DPYD: variants seen among roughly 807,000 people sequenced by gnomAD.
The protein encoded by DPYD is dihydropyrimidine dehydrogenase [NADP(+)].
A neutral mutation model predicts 116.2 loss-of-function variants in DPYD; 109 were observed. That is an observed-to-expected ratio of 0.94 (90% CI 0.80 to 1.10). DPYD has a LOEUF of 1.10. Ranked by LOEUF, DPYD falls within the 50% of genes least tolerant of loss-of-function variation. DPYD has a pLI of 0.00. For synonymous variants in DPYD, 440 were observed against 432.0 expected, an observed-to-expected ratio of 1.02 and a Z score of -0.23; for missense variants, 1,302 against 1,254.5, an observed-to-expected ratio of 1.04 and a Z score of -0.57.
intron 18 of DPYD, among the ~76,000 whole-genome samples, chr1:97,298,663 T>C (rs1666682382): frequency 6.6e-6 from 1 of 152,174 alleles, no homozygotes; most frequent in Admixed American, 6.6e-5. Context: ...ATGCTGGCTG[T>C]ATAGTCAGAG....
chr1:97,907,180 T>C (rs1673676206), intron 1 of DPYD, among the ~76,000 whole-genome samples: 1 of 152,128 alleles, frequency 6.6e-6, no homozygotes, highest in African/African-American at 2.4e-5. Flanking sequence ...GAATTATTTA[T>C]TTCTGGAATT....
At chr1:97,367,987 T>C (rs1227066987) in intron 16 of DPYD, among the ~76,000 whole-genome samples, 2 of 152,174 alleles carry the variant, frequency 1.3e-5, no homozygotes, top group East Asian at 3.8e-4. Context: ...TTTGATTGAC[T>C]GATAATATAC....
chr1:97,585,567 T>C (rs1028837888), intron 10 of DPYD, among the ~76,000 whole-genome samples: 3 of 152,134 alleles, frequency 2.0e-5, no homozygotes, highest in Non-Finnish European at 4.4e-5. Flanking sequence ...TAGAAAAAAA[T>C]TTTAAAATTT....
intron 18 of DPYD, among the ~76,000 whole-genome samples, chr1:97,277,829 C>G (rs937144664): frequency 2.6e-5 from 4 of 152,202 alleles, no homozygotes; most frequent in Non-Finnish European, 5.9e-5. Context: ...GATCATATAA[C>G]TACCTTAACA....
chr1:97,706,478 A>G (rs995382851), intron 5 of DPYD, among the ~76,000 whole-genome samples: 1 of 152,144 alleles, frequency 6.6e-6, no homozygotes, highest in South Asian at 2.1e-4. Flanking sequence ...CATACACAAT[A>G]GTTTCTTTCA....
intron 3 of DPYD, among the ~76,000 whole-genome samples, chr1:97,748,682 A>G (rs1206060425): frequency 1.3e-5 from 2 of 152,190 alleles, no homozygotes; most frequent in African/African-American, 4.8e-5. Flanking sequence ...GGGCACATAT[A>G]TAAGTGCTCA....
At chr1:97,389,309 TGAAA>T (rs1672538583) in intron 14 of DPYD, among the ~76,000 whole-genome samples, 1 of 58,912 alleles carries the variant, frequency 1.7e-5, no homozygotes, top group Non-Finnish European at 3.5e-5. Context: ...ATTTTGTCTT[TGAAA>T]AAAAAAAAAA....
chr1:97,088,035 T>C (rs1419755525), intron 21 of DPYD, among the ~76,000 whole-genome samples: 2 of 152,230 alleles, frequency 1.3e-5, no homozygotes, highest in Admixed American at 1.3e-4. Flanking sequence ...GGTAATGTGA[T>C]CTGTCTTTTC....
intron 20 of DPYD, among the ~76,000 whole-genome samples, chr1:97,138,038 C>T (rs991151102): frequency 7.2e-5 from 11 of 152,134 alleles, no homozygotes; most frequent in Admixed American, 1.3e-4. Flanking sequence ...ATCAGCAGTA[C>T]GGCTTTCACA....
At chr1:97,362,290 A>G (rs1224411048) in intron 16 of DPYD, among the ~76,000 whole-genome samples, 2 of 152,228 alleles carry the variant, frequency 1.3e-5, no homozygotes, top group Admixed American at 1.3e-4. Flanking sequence ...CCACTGCTCA[A>G]TGAAATAAAA....
chr1:97,423,308 C>A (rs1372453117), intron 14 of DPYD, among the ~76,000 whole-genome samples: 2 of 152,006 alleles, frequency 1.3e-5, no homozygotes, highest in Non-Finnish European at 2.9e-5. Flanking sequence ...AACCACACAA[C>A]CTCTAAGCTC....
At chr1:97,880,611 G>A (rs558046250) in intron 2 of DPYD, among the ~76,000 whole-genome samples, 2 of 151,850 alleles carry the variant, frequency 1.3e-5, no homozygotes, top group Admixed American at 6.6e-5. Flanking sequence ...CTTATAAATC[G>A]AGATTACTAT....
intron 18 of DPYD, among the ~76,000 whole-genome samples, chr1:97,274,577 G>A (rs980020603): frequency 1.3e-5 from 2 of 152,044 alleles, no homozygotes; most frequent in East Asian, 1.9e-4. Context: ...TTATAGCAAG[G>A]CGAAATGGAC....
chr1:97,691,615 A>G, intron 7 of DPYD, 102 bp downstream of exon 7: 2 of 1,040,120 alleles, frequency 1.9e-6, no homozygotes, highest in South Asian at 2.7e-5. Context: ...GTAGCTTTTA[A>G]TTGTTCTTTC....
At chr1:97,111,954 T>C (rs1651628854) in intron 20 of DPYD, among the ~76,000 whole-genome samples, 1 of 152,100 alleles carries the variant, frequency 6.6e-6, no homozygotes, top group Non-Finnish European at 1.5e-5. Context: ...TATAAGGTTG[T>C]AAAGATTATA....
At chr1:97,804,994 C>T (rs1247327096) in intron 3 of DPYD, among the ~76,000 whole-genome samples, 1 of 151,726 alleles carries the variant, frequency 6.6e-6, no homozygotes, top group African/African-American at 2.4e-5. Context: ...TTAAAACAAG[C>T]AATCTAGCTA....
intron 13 of DPYD, among the ~76,000 whole-genome samples, chr1:97,484,283 G>C (rs572645214): frequency 1.3e-5 from 2 of 152,298 alleles, no homozygotes; most frequent in African/African-American, 4.8e-5. Context: ...CAGTCTGGGT[G>C]ACAGAGCAAG....
At chr1:97,862,729 G>T (rs2101596483) in intron 2 of DPYD, among the ~76,000 whole-genome samples, 1 of 151,718 alleles carries the variant, frequency 6.6e-6, no homozygotes, top group East Asian at 1.9e-4. Context: ...CCACAGTTAG[G>T]GGATATACTT....
In DPYD at chr1:97,721,884, AAATGAAT is replaced by A. The variant is rs563179386; in HGVS notation, c.322-220_322-214del. On this transcript the variant is annotated intron_variant, in intron 4 of 22. Coordinates refer to ENST00000370192, the MANE Select transcript of DPYD (RefSeq NM_000110.4). The stretch of plus-strand genomic sequence containing the variant: ...AATATTCAATGCACAGTATGTTGAT[AAATGAAT>A]AACTAATCAATTTTGGAAAACTGAA... Among the ~76,000 whole-genome samples, 520 of 151,790 alleles carry A rather than the reference AAATGAAT, an allele frequency of 3.4e-3. 4 individuals are homozygous for A. The highest frequency in any genetic ancestry group is 0.012 in the African/African-American group (489 of 41,502).
Sources: gnomAD v4.1 joint callset for allele counts (sites outside exome capture counted in the v4.1 genomes callset) on GRCh38, gnomAD v4.1.1 for gene constraint, MANE v1.5 for transcripts, NCBI Gene and HGNC (gene_info 2026-07-23, HGNC 2026-07-21) for gene names.